ERBB4: variants seen among roughly 807,000 people sequenced by gnomAD.
ERBB4 encodes erb-b2 receptor tyrosine kinase 4, also known as receptor tyrosine-protein kinase erbB-4.
ERBB4 carries 42 observed loss-of-function variants against 158.0 expected under a neutral mutation model. The ratio of observed to expected loss-of-function variants is 0.27; its 90% CI spans 0.21 to 0.34. ERBB4 has a LOEUF of 0.34. Ranked by LOEUF, ERBB4 falls within the 10% of genes least tolerant of loss-of-function variation. The pLI is 1.00. For synonymous variants in ERBB4, 583 were observed against 558.7 expected (o/e 1.04, Z -0.61); for missense variants, 1,333 against 1,624.1 (o/e 0.82, Z 3.08).
At chr2:212,331,847 G>A (rs1453053301) in intron 1 of ERBB4, among the ~76,000 whole-genome samples, 6 of 151,802 alleles carry the variant, frequency 4.0e-5, no homozygotes, top group Admixed American at 2.6e-4. Context: ...GAATTTATTT[G>A]ACTAATAACA....
At chr2:211,658,481 A>G (rs180946615) in intron 15 of ERBB4, among the ~76,000 whole-genome samples, 6 of 152,190 alleles carry the variant, frequency 3.9e-5, no homozygotes, top group African/African-American at 1.4e-4. Flanking sequence ...ATGAGTCAAC[A>G]TGCTTTAATG....
At chr2:212,191,702 CGT>C (rs761102781) in intron 1 of ERBB4, among the ~76,000 whole-genome samples, 2 of 38,198 alleles carry the variant, frequency 5.2e-5, no homozygotes, top group African/African-American at 1.5e-4. Flanking sequence ...ACATATAACA[CGT>C]GTTATACATG....
chr2:212,492,448 G>T, intron 1 of ERBB4, among the ~76,000 whole-genome samples: 1 of 151,066 alleles, frequency 6.6e-6, no homozygotes, highest in Non-Finnish European at 1.5e-5. Flanking sequence ...CATACATGTA[G>T]CAATAAATTA....
intron 17 of ERBB4, among the ~76,000 whole-genome samples, chr2:211,626,925 AAAAAAT>A (rs1263906351): frequency 1.4e-5 from 2 of 140,336 alleles, no homozygotes; most frequent in South Asian, 2.3e-4. Context: ...ACTCCATCTC[AAAAAAT>A]AAAAATAAAA....
chr2:211,878,846 A>G (rs1054389054), intron 3 of ERBB4, among the ~76,000 whole-genome samples: 1 of 152,134 alleles, frequency 6.6e-6, no homozygotes, highest in African/African-American at 2.4e-5. Context: ...CAAAAATTGC[A>G]TTAGAGAAAA....
intron 1 of ERBB4, among the ~76,000 whole-genome samples, chr2:212,510,901 C>T (rs1414567188): frequency 6.6e-6 from 1 of 151,852 alleles, no homozygotes; most frequent in Non-Finnish European, 1.5e-5. Context: ...TGTGGGATCC[C>T]CAGGAATGTC....
At chr2:212,130,858 A>C (rs918075277) in intron 1 of ERBB4, among the ~76,000 whole-genome samples, 1 of 152,180 alleles carries the variant, frequency 6.6e-6, no homozygotes, top group African/African-American at 2.4e-5. Flanking sequence ...AGTCATGTAT[A>C]TATTGTGTGT....
chr2:212,453,546 A>G (rs1311269582), intron 1 of ERBB4, among the ~76,000 whole-genome samples: 1 of 152,220 alleles, frequency 6.6e-6, no homozygotes, highest in Non-Finnish European at 1.5e-5. Flanking sequence ...GATATCTACC[A>G]AAATTTGATA....
At chr2:212,190,622 C>T (rs185244527) in intron 1 of ERBB4, among the ~76,000 whole-genome samples, 1 of 152,028 alleles carries the variant, frequency 6.6e-6, no homozygotes, top group Admixed American at 6.6e-5. Flanking sequence ...TTATTCACAC[C>T]ACCATCGGTT....
intron 1 of ERBB4, among the ~76,000 whole-genome samples, chr2:212,452,999 A>T (rs759080768): frequency 7.9e-5 from 12 of 152,192 alleles, no homozygotes; most frequent in Non-Finnish European, 1.3e-4. Flanking sequence ...AATAGACCCT[A>T]CAATGAGATA....
chr2:212,072,908 CAAAG>C (rs2078165331), intron 2 of ERBB4, among the ~76,000 whole-genome samples: 1 of 151,614 alleles, frequency 6.6e-6, no homozygotes, highest in Admixed American at 6.6e-5. Flanking sequence ...TGCTAAGAAA[CAAAG>C]AAATATTGTT....
intron 1 of ERBB4, among the ~76,000 whole-genome samples, chr2:212,314,515 A>C (rs2087188099): frequency 6.6e-6 from 1 of 151,116 alleles, no homozygotes; most frequent in South Asian, 2.1e-4. Flanking sequence ...GAAAGTTCTT[A>C]TCAAGCCTCA....
chr2:211,941,924 G>C (rs1286237614), intron 3 of ERBB4, among the ~76,000 whole-genome samples: 3 of 152,022 alleles, frequency 2.0e-5, no homozygotes, highest in Admixed American at 1.3e-4. Context: ...CAAGTTCCCT[G>C]CTTTCTTTCT....
At chr2:211,528,326 T>C (rs185952227) in intron 20 of ERBB4, among the ~76,000 whole-genome samples, 3 of 152,012 alleles carry the variant, frequency 2.0e-5, no homozygotes, top group Non-Finnish European at 4.4e-5. Context: ...TAAATATATA[T>C]GTACTCAACA....
At chr2:211,643,857 T>C (rs958311220) in intron 16 of ERBB4, among the ~76,000 whole-genome samples, 3 of 152,018 alleles carry the variant, frequency 2.0e-5, no homozygotes, top group African/African-American at 7.2e-5. Context: ...GAATTATATG[T>C]GCTGTAATAG....
intron 20 of ERBB4, among the ~76,000 whole-genome samples, chr2:211,478,716 A>G (rs1035548166): frequency 4.0e-5 from 6 of 151,688 alleles, no homozygotes; most frequent in African/African-American, 1.5e-4. Flanking sequence ...GGAATACAAC[A>G]TATCCCCTAA....
intron 1 of ERBB4, among the ~76,000 whole-genome samples, chr2:212,371,711 C>T (rs1048053999): frequency 1.3e-5 from 2 of 152,108 alleles, no homozygotes; most frequent in Non-Finnish European, 2.9e-5. Context: ...CTGTGAAGTA[C>T]ATATTACAAT....
At chr2:212,399,340 T>C (rs1216353938) in intron 1 of ERBB4, among the ~76,000 whole-genome samples, 1 of 151,780 alleles carries the variant, frequency 6.6e-6, no homozygotes, top group African/African-American at 2.4e-5. Flanking sequence ...TTCAGACATA[T>C]CTTGAAATTA....
intron 3 of ERBB4, among the ~76,000 whole-genome samples, chr2:211,843,491 AGACT>A (rs1389444828): frequency 5.9e-5 from 9 of 152,112 alleles, no homozygotes; most frequent in Non-Finnish European, 1.3e-4. Context: ...TGTATACCAC[AGACT>A]GAGAAAGATT....
Sources: allele counts gnomAD v4.1 joint callset (sites outside exome capture counted in the v4.1 genomes callset), GRCh38; gene constraint gnomAD v4.1.1; transcripts MANE v1.5; gene names NCBI Gene and HGNC (gene_info 2026-07-23, HGNC 2026-07-21).